Variants in MSRB3 observed in about 807,000 individuals in gnomAD.
The protein encoded by MSRB3 is methionine sulfoxide reductase B3.
MSRB3 carries 13 observed loss-of-function variants against 21.0 expected under a neutral mutation model. That is an observed-to-expected ratio of 0.62 (90% confidence interval 0.40 to 0.98). MSRB3 has a LOEUF of 0.98. Among genes scored for constraint, MSRB3 ranks in the 50% least tolerant of loss-of-function variants. The probability of loss-of-function intolerance (pLI) is 0.00; values close to 1 mark genes in which losing one functional copy is unlikely to be tolerated. For synonymous variants in MSRB3, 87 were observed against 88.6 expected (o/e 0.98, Z 0.10); for missense variants, 199 against 230.3 (o/e 0.86, Z 0.88).
intron 6 of MSRB3, among the ~76,000 whole-genome samples, chr12:65,459,544 T>G (rs2136713922): frequency 6.6e-6 from 1 of 152,312 alleles, no homozygotes; most frequent in East Asian, 1.9e-4. Context: ...CACACAAGTG[T>G]CTTCAATAAC....
chr12:65,343,115 C>A (rs964841535), intron 4 of MSRB3, among the ~76,000 whole-genome samples: 1 of 152,030 alleles, frequency 6.6e-6, no homozygotes, highest in African/African-American at 2.4e-5. Context: ...TTAAACACAT[C>A]ATCTCTCTAT....
chr12:65,462,829 T>C (rs1883389766), intron 6 of MSRB3, among the ~76,000 whole-genome samples: 1 of 152,246 alleles, frequency 6.6e-6, no homozygotes, highest in South Asian at 2.1e-4. Context: ...GCCATGTTTC[T>C]TACAAGGGAA....
chr12:65,447,821 G>T (rs1288293645), intron 5 of MSRB3, among the ~76,000 whole-genome samples: 1 of 152,158 alleles, frequency 6.6e-6, no homozygotes, highest in Non-Finnish European at 1.5e-5. Context: ...TGGATACCTA[G>T]TCCATTATTT....
At chr12:65,312,556 C>T (rs952245313) in intron 2 of MSRB3, among the ~76,000 whole-genome samples, 10 of 151,404 alleles carry the variant, frequency 6.6e-5, no homozygotes, top group African/African-American at 2.4e-4. Flanking sequence ...TTTTTTCTAC[C>T]CTCATACATA....
At chr12:65,297,612 G>A (rs565433757) in intron 1 of MSRB3, among the ~76,000 whole-genome samples, 6 of 152,314 alleles carry the variant, frequency 3.9e-5, no homozygotes, top group South Asian at 2.1e-4. Flanking sequence ...ACCAGAGAGC[G>A]TTGAGGATTG....
chr12:65,309,542 C>T (rs1406618062), intron 2 of MSRB3, among the ~76,000 whole-genome samples: 1 of 151,960 alleles, frequency 6.6e-6, no homozygotes, highest in African/African-American at 2.4e-5. Flanking sequence ...TGTGTGAGGA[C>T]CATTAAATCA....
At chr12:65,408,094 T>C (rs1033396649) in intron 5 of MSRB3, among the ~76,000 whole-genome samples, 1 of 152,084 alleles carries the variant, frequency 6.6e-6, no homozygotes, top group Non-Finnish European at 1.5e-5. Context: ...TGTCTTCTAG[T>C]ATGGCTTTTT....
At chr12:65,386,002 GT>G (rs1350680435) in intron 5 of MSRB3, among the ~76,000 whole-genome samples, 2 of 151,732 alleles carry the variant, frequency 1.3e-5, no homozygotes, top group East Asian at 3.9e-4. Context: ...GAGAACTTTA[GT>G]ACACTTTTGT....
chr12:65,307,476 G>T (rs1873726178), intron 1 of MSRB3, among the ~76,000 whole-genome samples: 1 of 152,150 alleles, frequency 6.6e-6, no homozygotes, highest in Non-Finnish European at 1.5e-5. Flanking sequence ...GGAAGCAGGG[G>T]AAGTGGTCAG....
At chr12:65,396,551 T>C (rs1335846019) in intron 5 of MSRB3, among the ~76,000 whole-genome samples, 2 of 151,730 alleles carry the variant, frequency 1.3e-5, no homozygotes, top group African/African-American at 2.4e-5. Context: ...ATTTGCTGGG[T>C]GTGGCAGTGC....
chr12:65,459,080 TG>T (rs2136712853), intron 6 of MSRB3, among the ~76,000 whole-genome samples: 1 of 151,914 alleles, frequency 6.6e-6, no homozygotes, highest in East Asian at 1.9e-4. Flanking sequence ...CTGGAGCAAA[TG>T]GGAGACTAAT....
At chr12:65,408,322 T>G (rs1042709943) in intron 5 of MSRB3, among the ~76,000 whole-genome samples, 1 of 152,138 alleles carries the variant, frequency 6.6e-6, no homozygotes, top group African/African-American at 2.4e-5. Context: ...CTCGAACTCC[T>G]GACCTCGTGA....
chr12:65,332,059 T>C (rs1875458602), intron 4 of MSRB3, among the ~76,000 whole-genome samples: 1 of 151,998 alleles, frequency 6.6e-6, no homozygotes, highest in South Asian at 2.1e-4. Context: ...AAGAAAGAAG[T>C]ATTTAAAGGG....
intron 4 of MSRB3, among the ~76,000 whole-genome samples, chr12:65,360,113 G>T (rs1489875531): frequency 3.9e-5 from 6 of 151,938 alleles, no homozygotes; most frequent in East Asian, 3.9e-4. Context: ...TTTTTATAAG[G>T]TCACTAGTCA....
At chr12:65,436,054 A>C (rs887737261) in intron 5 of MSRB3, among the ~76,000 whole-genome samples, 2 of 151,834 alleles carry the variant, frequency 1.3e-5, no homozygotes, top group Non-Finnish European at 2.9e-5. Flanking sequence ...GTTTCAATAT[A>C]GTGTCCCTGG....
chr12:65,368,790 C>T (rs535328849), intron 4 of MSRB3, among the ~76,000 whole-genome samples: 22 of 152,112 alleles, frequency 1.4e-4, no homozygotes, highest in African/African-American at 5.3e-4. Flanking sequence ...CCATATTGTG[C>T]TATCTGTATT....
chr12:65,355,061 T>A (rs1355652649), intron 4 of MSRB3, among the ~76,000 whole-genome samples: 1 of 151,776 alleles, frequency 6.6e-6, no homozygotes, highest in Non-Finnish European at 1.5e-5. Flanking sequence ...TATAAGGTGC[T>A]AGAAATGAGG....
At chr12:65,432,381 T>C (rs1881919107) in intron 5 of MSRB3, among the ~76,000 whole-genome samples, 1 of 151,966 alleles carries the variant, frequency 6.6e-6, no homozygotes, top group African/African-American at 2.4e-5. Context: ...CAAGGAAAGA[T>C]GAATGGATTC....
intron 5 of MSRB3, among the ~76,000 whole-genome samples, chr12:65,436,210 GA>G (rs1195163538): frequency 6.6e-6 from 1 of 151,744 alleles, no homozygotes; most frequent in Non-Finnish European, 1.5e-5. Context: ...ATATGTTACA[GA>G]TAACCCACAG....
Sources: allele counts gnomAD v4.1 joint callset (sites outside exome capture counted in the v4.1 genomes callset), GRCh38; gene constraint gnomAD v4.1.1; transcripts MANE v1.5; gene names NCBI Gene and HGNC (gene_info 2026-07-23, HGNC 2026-07-21).